The following PARN variants were observed in gnomAD, a reference collection of about 807,000 sequenced individuals.
PARN encodes poly(A)-specific ribonuclease.
Under a neutral mutation model 102.8 loss-of-function variants are expected in PARN, and 71 were observed. The observed-to-expected ratio is 0.69, with a 90% CI of 0.57 to 0.84. PARN has a LOEUF of 0.84. Among genes scored for constraint, PARN ranks in the 40% least tolerant of loss-of-function variants. The probability of loss-of-function intolerance (pLI) is 0.00; values close to 1 mark genes in which losing one functional copy is unlikely to be tolerated. For synonymous variants in PARN, 261 were observed against 252.9 expected (o/e 1.03, Z -0.30); for missense variants, 782 against 760.9 (o/e 1.03, Z -0.33).
At position 14,599,868 on chromosome 16, in the gene PARN, G is replaced by C. The variant is rs1970767942; in HGVS notation, c.840+36C>G. On this transcript the variant is annotated intron_variant, in intron 12 of 23. Coordinates refer to ENST00000437198, the MANE Select transcript of PARN (RefSeq NM_002582.4). ...TTAGATACTTCACCTGAAATAGTAT[G>C]TTCTGCAATCTTGCTAAAAAGTCTG... 1.2e-5 allele frequency: 16 copies of C among 1,345,642 alleles called. No individual in the cohort carries two copies. The South Asian group carries it at 2.0e-4, about 16-fold the overall frequency. The allele number at this position is 1,345,642 out of a possible 1,614,324, so 83.4% of individuals were successfully genotyped here.
chr16:14,597,216 G>C (rs1970576931), intron 12 of PARN, among the ~76,000 whole-genome samples: 1 of 152,088 alleles, frequency 6.6e-6, no homozygotes, highest in Admixed American at 6.6e-5. Flanking sequence ...AATATTAGTA[G>C]GCAAAGTTTG....
chr16:14,594,449 C>A (rs1416266310), intron 12 of PARN, among the ~76,000 whole-genome samples: 1 of 152,140 alleles, frequency 6.6e-6, no homozygotes, highest in Non-Finnish European at 1.5e-5. Context: ...CGTGGTGGCT[C>A]ACACCTGTTA....
intron 2 of PARN, among the ~76,000 whole-genome samples, 199 bp downstream of exon 2, chr16:14,629,398 A>T (rs574872989): frequency 6.6e-5 from 10 of 152,238 alleles, no homozygotes; most frequent in Non-Finnish European, 1.2e-4. Flanking sequence ...CCTGAGTCCA[A>T]TCACAAACCT....
chr16:14,611,267 G>A (rs1042107861), intron 6 of PARN, among the ~76,000 whole-genome samples: 2 of 152,318 alleles, frequency 1.3e-5, no homozygotes, highest in East Asian at 3.9e-4. Context: ...GAGCTGGTGT[G>A]GCCAGATGTC....
chr16:14,543,984 C>T (rs946149854), intron 21 of PARN, among the ~76,000 whole-genome samples: 4 of 152,126 alleles, frequency 2.6e-5, no homozygotes, highest in South Asian at 4.1e-4. Context: ...CACCTGAGGT[C>T]GGGAGTTCAA....
chr16:14,557,247 C>T (rs772175390), intron 18 of PARN, among the ~76,000 whole-genome samples: 4 of 151,984 alleles, frequency 2.6e-5, no homozygotes, highest in Non-Finnish European at 5.9e-5. Context: ...AGTTAAGGAA[C>T]ATTATTACCA....
chr16:14,546,916 A>C (rs933840652), intron 21 of PARN, among the ~76,000 whole-genome samples: 1 of 151,964 alleles, frequency 6.6e-6, no homozygotes, highest in African/African-American at 2.4e-5. Context: ...AACATGGTGA[A>C]CCCTCGTCTC....
At chr16:14,619,815 T>C (rs1329830252) in intron 5 of PARN, among the ~76,000 whole-genome samples, 1 of 151,774 alleles carries the variant, frequency 6.6e-6, no homozygotes, top group Non-Finnish European at 1.5e-5. Context: ...CTCATGCCTG[T>C]AATCCCAGCA....
chr16:14,565,052 G>C (rs1387366798), intron 18 of PARN: 1 of 152,098 alleles, frequency 6.6e-6, no homozygotes, highest in Non-Finnish European at 1.5e-5. Context: ...AACGGTCTTG[G>C]TATTTCCTTC....
intron 19 of PARN, among the ~76,000 whole-genome samples, chr16:14,555,123 C>T (rs1307375199): frequency 5.9e-5 from 9 of 152,230 alleles, no homozygotes; most frequent in Non-Finnish European, 1.3e-4. Flanking sequence ...TATAGTTCAC[C>T]CACTTCCACC....
intron 21 of PARN, among the ~76,000 whole-genome samples, chr16:14,523,139 C>T (rs1294378059): frequency 1.3e-5 from 2 of 151,448 alleles, no homozygotes; most frequent in African/African-American, 4.9e-5. Flanking sequence ...GACAAAAAAA[C>T]CCCAAACAAC....
chr16:14,608,825 G>T (rs1358948949), intron 8 of PARN, among the ~76,000 whole-genome samples: 1 of 152,132 alleles, frequency 6.6e-6, no homozygotes, highest in Non-Finnish European at 1.5e-5. Context: ...GAAAGTCAAG[G>T]TTGCACAACA....
chr16:14,460,252 AT>A (rs1354891249), intron 22 of PARN, among the ~76,000 whole-genome samples: 1 of 152,242 alleles, frequency 6.6e-6, no homozygotes, highest in African/African-American at 2.4e-5. Context: ...TTCTTAAAAA[AT>A]AATGGATGGC....
rs1049931313 is a variant in PARN at position 14,567,193 on chromosome 16, T to C, written c.1263-11484A>G. 2.6e-5 allele frequency among the ~76,000 whole-genome samples: 4 copies of C among 152,318 alleles called. No homozygotes were observed. The East Asian group carries it at 7.7e-4, about 29-fold the overall frequency. ...AAAATAAATGGCTTTGGTTAAAGTATGTGAGGAAGAAAAAATGCATCTTGT... is the reference window on the plus strand; with the variant it reads ...AAAATAAATGGCTTTGGTTAAAGTACGTGAGGAAGAAAAAATGCATCTTGT... On this transcript the variant is annotated intron_variant, in intron 18 of 23. Coordinates refer to ENST00000437198, the MANE Select transcript of PARN (RefSeq NM_002582.4).
chr16:14,488,670 A>G (rs998832441), intron 21 of PARN, among the ~76,000 whole-genome samples: 4 of 152,216 alleles, frequency 2.6e-5, no homozygotes, highest in Non-Finnish European at 5.9e-5. Flanking sequence ...ATGAGACATG[A>G]TTCTATACCT....
chr16:14,470,437 G>GATTATT (rs56768991), intron 22 of PARN, among the ~76,000 whole-genome samples: 5,813 of 147,100 alleles, frequency 0.04, 111 homozygotes, highest in Middle Eastern at 0.064. Flanking sequence ...GAGTTTGGAT[G>GATTATT]ATTATTATTA....
At chr16:14,468,523 C>T (rs1962508390) in intron 22 of PARN, among the ~76,000 whole-genome samples, 1 of 152,084 alleles carries the variant, frequency 6.6e-6, no homozygotes, top group South Asian at 2.1e-4. Context: ...AGGATGGTCC[C>T]CAGTGTTGGG....
intron 22 of PARN, among the ~76,000 whole-genome samples, chr16:14,461,667 T>C (rs1181509680): frequency 6.6e-6 from 1 of 152,244 alleles, no homozygotes; most frequent in Non-Finnish European, 1.5e-5. Context: ...ATGGCAGCAG[T>C]GTCAACATTC....
intron 18 of PARN, among the ~76,000 whole-genome samples, chr16:14,561,172 A>G (rs968540488): frequency 2.6e-5 from 4 of 151,978 alleles, no homozygotes; most frequent in Admixed American, 1.3e-4. Flanking sequence ...AAAAAAAAAA[A>G]AAAGAAAAGG....
Sources: allele counts gnomAD v4.1 joint callset (sites outside exome capture counted in the v4.1 genomes callset), GRCh38; gene constraint gnomAD v4.1.1; transcripts MANE v1.5; gene names NCBI Gene and HGNC (gene_info 2026-07-23, HGNC 2026-07-21).